The following ILDR1 variants were observed in gnomAD, a reference collection of about 807,000 sequenced individuals.
ILDR1 encodes the protein immunoglobulin-like domain-containing receptor 1.
Under a neutral mutation model 62.4 loss-of-function variants are expected in ILDR1, and 56 were observed. That is an observed-to-expected ratio of 0.90 (90% CI 0.72 to 1.12). The LOEUF (loss-of-function observed/expected upper bound fraction) is 1.12, where lower values mean the gene tolerates loss of function less well. ILDR1 is among the 50% of genes most tolerant of loss of function. The pLI, the probability that ILDR1 is intolerant of heterozygous loss-of-function variation, is 0.00. For synonymous variants in ILDR1, 284 were observed against 277.8 expected (o/e 1.02, Z -0.22); for missense variants, 736 against 710.6 (o/e 1.04, Z -0.41).
chr3:121,989,666 G>A (rs1382995942), intron 7 of ILDR1, among the ~76,000 whole-genome samples: 2 of 152,188 alleles, frequency 1.3e-5, no homozygotes, highest in Non-Finnish European at 2.9e-5. Flanking sequence ...TATTTCTGAG[G>A]TTATAGCTTC....
rs2071518780 is a variant in ILDR1 at position 122,001,183 on chromosome 3, C to T, written c.646+125G>A. On this transcript the variant is annotated intron_variant, in intron 5 of 7. Transcript: ENST00000344209. The stretch of plus-strand genomic sequence containing the variant: ...AGGGCTGAGGCTAATGTCCTCTGTC[C>T]CTATGATGGGAGAAGGGCATGGAGG... 33 of 1,121,544 alleles carry T rather than the reference C, an allele frequency of 2.9e-5. No individual in the cohort carries two copies. In the South Asian group the frequency reaches 4.1e-4, roughly 14 times the overall value. The allele number at this position is 1,121,544 out of a possible 1,614,324, so 69.5% of individuals were successfully genotyped here. A position where few individuals can be genotyped will look rare whatever the true frequency, so the allele number is the denominator to read the frequency against.
At chr3:121,998,627 T>C (rs1008969839) in intron 5 of ILDR1, among the ~76,000 whole-genome samples, 1 of 152,216 alleles carries the variant, frequency 6.6e-6, no homozygotes, top group Non-Finnish European at 1.5e-5. Context: ...TTGTCCCCAG[T>C]CTTGCCTGCT....
intron 4 of ILDR1, 86 bp from the exon 5 acceptor site, chr3:122,001,540 A>G: frequency 6.5e-7 from 1 of 1,539,248 alleles, no homozygotes; most frequent in East Asian, 2.2e-5. Context: ...AGGTCTCATA[A>G]ACACAGCTCT....
chr3:122,014,868 G>A (rs1456404499), intron 1 of ILDR1, among the ~76,000 whole-genome samples: 1 of 152,154 alleles, frequency 6.6e-6, no homozygotes, highest in Non-Finnish European at 1.5e-5. Context: ...CCTGGTTGAG[G>A]GGCAGATGCT....
At chr3:122,019,321 GTTA>G (rs1177274534) in intron 1 of ILDR1, among the ~76,000 whole-genome samples, 1 of 152,064 alleles carries the variant, frequency 6.6e-6, no homozygotes, top group Non-Finnish European at 1.5e-5. Flanking sequence ...AATATCCATT[GTTA>G]TTATTTTATT....
chr3:121,990,224 G>T (rs1246085710), intron 7 of ILDR1, among the ~76,000 whole-genome samples: 1 of 152,212 alleles, frequency 6.6e-6, no homozygotes, highest in Non-Finnish European at 1.5e-5. Context: ...TGGCCCTGCA[G>T]ACTTTGCCTC....
At chr3:122,049,753 G>A in the ILDR1 span, among the ~76,000 whole-genome samples, 8 of 152,188 alleles carry the variant, frequency 5.3e-5, no homozygotes, top group South Asian at 2.1e-4. Flanking sequence ...CTCTTGGGAC[G>A]TGATTAAATA....
chr3:122,037,952 G>GTC, the ILDR1 span, among the ~76,000 whole-genome samples: 4,979 of 149,798 alleles, frequency 0.033, 253 homozygotes, highest in African/African-American at 0.12. Context: ...CTCTGTCTCT[G>GTC]TCTCTCTCTC....
In ILDR1 at chr3:121,993,693, C is replaced by G. The variant is rs147113814; in HGVS notation, c.1056G>C (p.Gln352His). 6.8e-5 allele frequency: 110 copies of G among 1,614,178 alleles called. No homozygotes were observed. The African/African-American group carries it at 1.3e-3, about 20-fold the overall frequency. Residue 352 changes from glutamine to histidine, a missense_variant, in exon 7 of 8, where the codon CAG becomes CAC. By Grantham distance (24) the Gln-to-His change is conservative. Coordinates refer to ENST00000344209, the MANE Select transcript of ILDR1 (RefSeq NM_001199799.2). ...SRRTSDSLHQ[Q>H]WLTPIPSRPW... is the part of the protein sequence containing the mutation. Reference sequence around the variant, plus strand: ...GCCTGGAGGGAATTGGGGTGAGCCACTGCTGGTGCAGGGAGTCACTGGTCC... The same window carrying G: ...GCCTGGAGGGAATTGGGGTGAGCCAGTGCTGGTGCAGGGAGTCACTGGTCC...
the ILDR1 span, among the ~76,000 whole-genome samples, chr3:122,029,397 C>CT: frequency 4.6e-5 from 7 of 151,840 alleles, no homozygotes; most frequent in African/African-American, 1.7e-4. Context: ...ATCCCAACTA[C>CT]TCAGGAGGCT....
Position 122,009,681 on chromosome 3 carries a change from T to C in ILDR1, c.59-2520A>G, listed in dbSNP as rs140672027. Among the ~76,000 whole-genome samples, 6 of 152,356 alleles carry C rather than the reference T, an allele frequency of 3.9e-5. No homozygotes were observed. The East Asian group carries it at 1.2e-3, about 29-fold the overall frequency. On this transcript the variant is annotated intron_variant, in intron 1 of 7. Transcript: ENST00000344209. ...GAGTTTTCAAACGGAGCCACCTTCA[T>C]TTTGACCAAGGTACTCCCACAAACA...
At chr3:122,003,558 T>G (rs1559876313) in intron 3 of ILDR1, among the ~76,000 whole-genome samples, 1 of 152,178 alleles carries the variant, frequency 6.6e-6, no homozygotes, top group Admixed American at 6.5e-5. Flanking sequence ...GTTAATATTT[T>G]AAAGGATCTA....
the ILDR1 span, among the ~76,000 whole-genome samples, chr3:122,043,212 G>A: frequency 1.4e-5 from 2 of 147,034 alleles, no homozygotes; most frequent in Non-Finnish European, 3.0e-5. Context: ...GTTTGTCAAA[G>A]ATCAGATAGT....
intron 7 of ILDR1, 130 bp from the exon 8 acceptor site, chr3:121,988,538 C>T (rs1184960863): frequency 1.4e-6 from 1 of 738,676 alleles, no homozygotes; most frequent in Non-Finnish European, 2.4e-6. Context: ...CAGATCTGAA[C>T]CTAAAAAGTA....
At chr3:122,036,609 A>G in the ILDR1 span, among the ~76,000 whole-genome samples, 17 of 151,506 alleles carry the variant, frequency 1.1e-4, no homozygotes, top group South Asian at 4.2e-4. Context: ...AAAAGGGAGG[A>G]AACAGAGCAT....
chr3:122,002,793 G>A (rs1023844516), intron 3 of ILDR1, among the ~76,000 whole-genome samples: 1 of 152,008 alleles, frequency 6.6e-6, no homozygotes, highest in Non-Finnish European at 1.5e-5. Context: ...CCAACAGGCC[G>A]CGGTGTGTAT....
chr3:122,026,461 T>C (rs1182920334), upstream of ILDR1, among the ~76,000 whole-genome samples: 1 of 152,218 alleles, frequency 6.6e-6, no homozygotes, highest in Non-Finnish European at 1.5e-5. Context: ...TTTCTGACTA[T>C]TGACCCTAGA....
chr3:122,032,090 G>A, the ILDR1 span, among the ~76,000 whole-genome samples: 13 of 152,232 alleles, frequency 8.5e-5, no homozygotes, highest in South Asian at 2.7e-3. Flanking sequence ...TAGAACAGAA[G>A]CTCCCTCTTG....
At chr3:122,022,296 C>T (rs1317616433), upstream of ILDR1, 1 of 443,116 alleles carries the variant, frequency 2.3e-6, no homozygotes, top group Non-Finnish European at 4.0e-6. Context: ...TCCCGCCCCG[C>T]GCGCCGCCGT....
Sources: allele counts gnomAD v4.1 joint callset (sites outside exome capture counted in the v4.1 genomes callset), GRCh38; gene constraint gnomAD v4.1.1; transcripts MANE v1.5; gene names NCBI Gene and HGNC (gene_info 2026-07-23, HGNC 2026-07-21).